Variants in CRISP1 observed in about 807,000 individuals in gnomAD.
CRISP1 encodes the protein cysteine rich secretory protein 1.
CRISP1 carries 44 observed loss-of-function variants against 33.1 expected under a neutral mutation model. The observed-to-expected ratio is 1.33, with a 90% confidence interval of 1.05 to 1.71. The LOEUF (loss-of-function observed/expected upper bound fraction) is 1.71, where lower values mean the gene tolerates loss of function less well. Ranked by LOEUF, CRISP1 falls within the 40% of genes most tolerant of loss-of-function variation. The probability of loss-of-function intolerance (pLI) is 0.00; values close to 1 mark genes in which losing one functional copy is unlikely to be tolerated. For missense variants in CRISP1, 390 were observed against 301.2 expected (o/e 1.29, Z -2.18); for synonymous variants, 103 against 98.7 (o/e 1.04, Z -0.26).
chr6:49,869,492 A>G (rs1037325238), upstream of CRISP1, among the ~76,000 whole-genome samples: 2 of 152,216 alleles, frequency 1.3e-5, no homozygotes, highest in East Asian at 1.9e-4. Context: ...ACACAAGAGC[A>G]TAACTACCAG....
chr6:49,846,659 C>A lies in CRISP1; in HGVS notation c.296G>T (p.Cys99Phe), dbSNP rs780945700. ...AGATGTCATATGCATATTTTCTCCACAAAAGGTATCTGAAATGAGAAAACG... is the reference window on the plus strand; with the variant it reads ...AGATGTCATATGCATATTTTCTCCAAAAAAGGTATCTGAAATGAGAAAACG... ...PLERRLPNTF[C>F]GENMHMTSYP... is the part of the protein sequence containing the mutation. The change falls in exon 5 of 8, where the codon TGT (cysteine) becomes TTT (phenylalanine). Residue 99 changes from cysteine (C) to phenylalanine (F), a missense_variant. Coordinates refer to ENST00000335847, the MANE Select transcript of CRISP1 (RefSeq NM_001131.3). 32 of 1,613,124 alleles carry A rather than the reference C, an allele frequency of 2.0e-5. No individual in the cohort carries two copies. Among genetic ancestry groups the A allele is most frequent in the Non-Finnish European group, 2.7e-5 (32 of 1,179,494 alleles).
intron 3 of CRISP1, among the ~76,000 whole-genome samples, chr6:49,849,189 C>T (rs537707633): frequency 2.0e-4 from 30 of 152,220 alleles, no homozygotes; most frequent in Admixed American, 2.0e-4. Flanking sequence ...CTAACAGTCT[C>T]CTATCATTGT....
chr6:49,867,109 C>T (rs1250574244), upstream of CRISP1, among the ~76,000 whole-genome samples: 1 of 152,102 alleles, frequency 6.6e-6, no homozygotes, highest in Non-Finnish European at 1.5e-5. Context: ...CAACTAACTA[C>T]CTTGAGAGGT....
chr6:49,847,520 C>T (rs1189051852), intron 4 of CRISP1, among the ~76,000 whole-genome samples: 1 of 152,092 alleles, frequency 6.6e-6, no homozygotes, highest in Non-Finnish European at 1.5e-5. Flanking sequence ...CCTTCACCTT[C>T]TGCCATGATT....
intron 4 of CRISP1, 48 bp downstream of exon 4, chr6:49,848,161 T>C: frequency 4.4e-6 from 1 of 225,506 alleles, no homozygotes; most frequent in Non-Finnish European, 7.3e-6. Flanking sequence ...TGTTTTACTA[T>C]TTTTTTTTTT....
Position 49,834,370 on chromosome 6 carries a change from C to A in CRISP1, c.*946G>T, listed in dbSNP as rs1284702892. On this transcript the variant is annotated 3_prime_UTR_variant, in exon 8 of 8. Coordinates refer to ENST00000335847, the MANE Select transcript of CRISP1 (RefSeq NM_001131.3). ...ATTTGACCAAGTATTTTTAGCCTTC[C>A]CTTTCCCCATGTCAGGCCCTTCAAT... is the stretch of plus-strand genomic sequence containing the variant. 4 of 151,902 alleles carry A rather than the reference C, an allele frequency of 2.6e-5. No homozygotes were observed. The highest frequency in any genetic ancestry group is 2.6e-4 in the Admixed American group (4 of 15,248). The allele number at this position is 151,902 out of a possible 1,614,324, so 9.4% of individuals were successfully genotyped here.
intron 2 of CRISP1, among the ~76,000 whole-genome samples, chr6:49,856,438 T>C (rs1426679239): frequency 6.6e-6 from 1 of 152,164 alleles, no homozygotes; most frequent in Non-Finnish European, 1.5e-5. Context: ...AGGACTCTAA[T>C]TCAGGACGCT....
At position 49,839,809 on chromosome 6, in the gene CRISP1, T is replaced by G. The variant is rs147213767; in HGVS notation, c.533+1089A>C. 7.1e-3 allele frequency among the ~76,000 whole-genome samples: 1,075 copies of G among 152,312 alleles called. 16 individuals are homozygous for G. The highest frequency in any genetic ancestry group is 0.025 in the African/African-American group (1,047 of 41,564). On this transcript the variant is annotated intron_variant, in intron 6 of 7. Transcript: ENST00000335847. The stretch of plus-strand genomic sequence containing the variant: ...GATGTGTTGTAGCAGCAAAGAGATT[T>G]TATTGTCTTCAGCACAATTTATATA...
chr6:49,849,318 G>C (rs1405176004), intron 3 of CRISP1, among the ~76,000 whole-genome samples: 2 of 152,164 alleles, frequency 1.3e-5, no homozygotes, highest in Non-Finnish European at 2.9e-5. Context: ...AGGGAACTGA[G>C]GCTTTCCTGA....
chr6:49,837,487 A>G (rs551871987), intron 7 of CRISP1, among the ~76,000 whole-genome samples: 38 of 148,512 alleles, frequency 2.6e-4, no homozygotes, highest in African/African-American at 9.4e-4. Context: ...CTCCATCTAC[A>G]TTTTTTTCCA....
intron 2 of CRISP1, among the ~76,000 whole-genome samples, 156 bp from the exon 3 acceptor site, chr6:49,852,285 T>C (rs940781740): frequency 2.6e-5 from 4 of 152,182 alleles, no homozygotes; most frequent in African/African-American, 9.7e-5. Flanking sequence ...TTGGATTCCA[T>C]TTCTCCAGTA....
rs574217504 is a variant in CRISP1 at position 49,876,672 on chromosome 6, G to A, written c.-3+337C>T. On this transcript the variant is annotated intron_variant, in intron 1 of 7. Coordinates refer to the CRISP1 transcript ENST00000505118. ...ATTATAGGCTGGGTAAAGAAAATGC[G>A]ATACATATACACCATGGAACACTAT... Among the ~76,000 whole-genome samples the A allele has an allele frequency of 6.6e-5, 10 of 152,090 alleles. No homozygotes were observed. The East Asian group carries it at 1.5e-3, about 23-fold the overall frequency.
chr6:49,853,153 C>T (rs1262822702), intron 2 of CRISP1, among the ~76,000 whole-genome samples: 2 of 152,042 alleles, frequency 1.3e-5, no homozygotes, highest in African/African-American at 2.4e-5. Flanking sequence ...CATGATGTCA[C>T]TTTTTTCTCA....
chr6:49,860,502 A>G (rs530541288), intron 1 of CRISP1, among the ~76,000 whole-genome samples: 2 of 152,290 alleles, frequency 1.3e-5, no homozygotes, highest in East Asian at 3.9e-4. Flanking sequence ...AACTTAAACA[A>G]CAGACTCCTG....
chr6:49,845,027 G>GA (rs1255720075), intron 5 of CRISP1, among the ~76,000 whole-genome samples: 7 of 152,086 alleles, frequency 4.6e-5, no homozygotes, highest in Admixed American at 1.3e-4. Context: ...TGCATGTGAG[G>GA]AAAAAATAAA....
intron 7 of CRISP1, among the ~76,000 whole-genome samples, chr6:49,836,440 A>G (rs1219250162): frequency 6.7e-6 from 1 of 150,062 alleles, no homozygotes; most frequent in East Asian, 2.0e-4. Context: ...GGTTCACGCC[A>G]TTCTCCTGCC....
intron 5 of CRISP1, among the ~76,000 whole-genome samples, chr6:49,844,836 C>T (rs1771108265): frequency 6.6e-6 from 1 of 152,100 alleles, no homozygotes; most frequent in Non-Finnish European, 1.5e-5. Flanking sequence ...ACTATGGAAG[C>T]ATATAACATT....
intron 5 of CRISP1, among the ~76,000 whole-genome samples, chr6:49,843,963 T>C (rs1389976196): frequency 6.6e-6 from 1 of 152,070 alleles, no homozygotes; most frequent in Non-Finnish European, 1.5e-5. Context: ...ATAACAAACA[T>C]AGAAATTTAG....
At chr6:49,839,723 T>C (rs1212123895) in intron 6 of CRISP1, among the ~76,000 whole-genome samples, 1 of 152,176 alleles carries the variant, frequency 6.6e-6, no homozygotes, top group Non-Finnish European at 1.5e-5. Flanking sequence ...TGTACTTTTC[T>C]TTTTTGGATC....
Sources: allele counts gnomAD v4.1 joint callset (sites outside exome capture counted in the v4.1 genomes callset), GRCh38; gene constraint gnomAD v4.1.1; transcripts MANE v1.5; gene names NCBI Gene and HGNC (gene_info 2026-07-23, HGNC 2026-07-21).